The following TMPRSS9 variants were observed in gnomAD, a reference collection of about 807,000 sequenced individuals.
TMPRSS9 encodes transmembrane protease serine 9.
TMPRSS9 carries 113 observed loss-of-function variants against 111.4 expected under a neutral mutation model. That is an observed-to-expected ratio of 1.01 (90% CI 0.87 to 1.19). The LOEUF (loss-of-function observed/expected upper bound fraction) is 1.19. TMPRSS9 is among the 50% of genes most tolerant of loss of function. The pLI, the probability that TMPRSS9 is intolerant of heterozygous loss-of-function variation, is 0.00. For missense variants in TMPRSS9, 1,803 were observed against 1,513.1 expected, an observed-to-expected ratio of 1.19 and a Z score of -3.18; for synonymous variants, 805 against 659.1, an observed-to-expected ratio of 1.22 and a Z score of -3.39.
intron 2 of TMPRSS9, among the ~76,000 whole-genome samples, chr19:2,398,197 GAGGC>G (rs1970749461): frequency 6.6e-6 from 1 of 151,642 alleles, no homozygotes; most frequent in Non-Finnish European, 1.5e-5. Flanking sequence ...TTGGGAGGCT[GAGGC>G]AGGAGAATTG....
chr19:2,371,721 A>G (rs575876386), intron 1 of TMPRSS9, among the ~76,000 whole-genome samples: 2 of 144,364 alleles, frequency 1.4e-5, no homozygotes, highest in Admixed American at 1.4e-4. Flanking sequence ...AAGAAAAAAA[A>G]AAAACAAAAC....
chr19:2,376,464 T>C (rs1194413751), intron 1 of TMPRSS9, among the ~76,000 whole-genome samples: 6 of 151,890 alleles, frequency 4.0e-5, no homozygotes, highest in Admixed American at 2.6e-4. Flanking sequence ...GTCATTTCTT[T>C]TTTTTTTCTT....
At chr19:2,395,344 G>A (rs1426749676) in intron 1 of TMPRSS9, among the ~76,000 whole-genome samples, 2 of 152,172 alleles carry the variant, frequency 1.3e-5, no homozygotes, top group East Asian at 3.9e-4. Context: ...GAGGCAGGAG[G>A]ATCGCTTGAA....
intron 1 of TMPRSS9, among the ~76,000 whole-genome samples, chr19:2,370,657 A>G (rs1396006404): frequency 6.6e-6 from 1 of 152,280 alleles, no homozygotes; most frequent in Admixed American, 6.5e-5. Flanking sequence ...TGGACTTTGC[A>G]TTATAATGAG....
chr19:2,425,390 T>C (rs1971593816), exon 17 of TMPRSS9: 1 of 1,554,560 alleles, frequency 6.4e-7, no homozygotes, highest in Non-Finnish European at 8.6e-7. Flanking sequence ...AAGGCGGCCG[T>C]GCGCCTCCTC....
chr19:2,425,214 C>T (rs1156370368), exon 16 of TMPRSS9: 13 of 1,485,388 alleles, frequency 8.8e-6, no homozygotes, highest in Non-Finnish European at 1.1e-5. Context: ...GCGCCGCGAC[C>T]CCCGGACGGC....
intron 11 of TMPRSS9, 48 bp downstream of exon 12, chr19:2,415,889 C>G: frequency 6.6e-7 from 1 of 1,523,974 alleles, no homozygotes; most frequent in Non-Finnish European, 8.8e-7. Context: ...CCCTCCTCAC[C>G]AGCCCCTCCC....
rs1970766255 is a variant in TMPRSS9, at chr19:2,398,870, G to A, written c.338+8G>A. The A allele has an allele frequency of 6.6e-7, 1 of 1,526,440 alleles. No individual in the cohort carries two copies. Among genetic ancestry groups the A allele is most frequent in the Non-Finnish European group, 8.8e-7 (1 of 1,141,464 alleles). 94.6% of individuals were successfully genotyped at this position (1,526,440 alleles called of 1,614,324 possible). On this transcript the variant is annotated splice_region_variant and intron_variant, in intron 3 of 17. Coordinates refer to ENST00000648592, the Ensembl canonical transcript of TMPRSS9. Reference sequence around the variant, plus strand: ...CTCGGTACTGAATTATAGGTGAGTTGGAGCTTCCATTGGGTGAAGGAAACT... The same window carrying A: ...CTCGGTACTGAATTATAGGTGAGTTAGAGCTTCCATTGGGTGAAGGAAACT...
At chr19:2,387,054 C>A (rs746008196), upstream of TMPRSS9, among the ~76,000 whole-genome samples, 2 of 150,874 alleles carry the variant, frequency 1.3e-5, no homozygotes, top group Admixed American at 1.3e-4. Context: ...GATCCCCTCT[C>A]CACAAAAAAC....
intron 1 of TMPRSS9, among the ~76,000 whole-genome samples, chr19:2,390,231 G>GTTTTTTTTTTTTT: frequency 9.0e-6 from 1 of 110,570 alleles, no homozygotes; most frequent in Non-Finnish European, 1.9e-5. Flanking sequence ...ACCCAAAGTA[G>GTTTTTTTTTTTTT]TTTTTTTTTT....
exon 12 of TMPRSS9, chr19:2,416,774 T>C (rs375115360): frequency 6.2e-7 from 1 of 1,612,064 alleles, no homozygotes; most frequent in Non-Finnish European, 8.5e-7. Flanking sequence ...CGGAAGTGCA[T>C]GATCTCCGGA....
chr19:2,396,506 G>C lies in TMPRSS9; in HGVS notation c.143-33G>C, dbSNP rs751210179. The stretch of plus-strand genomic sequence containing the variant: ...AGCGGAGCCCTGAGCCCCCAAAGGT[G>C]GGCTCTCTCACGGGCCCTGGTCTCG... On this transcript the variant is annotated intron_variant, in intron 1 of 17. Transcript: ENST00000648592. 3.4e-5 allele frequency: 53 copies of C among 1,563,440 alleles called. 2 individuals carry two copies. In the South Asian group the frequency reaches 6.0e-4, roughly 18 times the overall value.
intron 13 of TMPRSS9, among the ~76,000 whole-genome samples, 159 bp downstream of exon 14, chr19:2,418,297 TTCCCTC>T (rs1971312294): frequency 1.9e-5 from 1 of 53,074 alleles, no homozygotes; most frequent in African/African-American, 1.4e-4. Flanking sequence ...CCTCCTTTCC[TTCCCTC>T]CCTTTCCCTC....
chr19:2,408,255 G>T, intron 7 of TMPRSS9, 101 bp from the exon 9 acceptor site: 2 of 1,141,754 alleles, frequency 1.8e-6, no homozygotes, highest in South Asian at 2.9e-5. Flanking sequence ...ATTAATGTGG[G>T]GGGATACCCC....
Position 2,405,552 on chromosome 19 carries a change from C to T in TMPRSS9, c.842+7C>T. The T allele has an allele frequency of 2.6e-6, 4 of 1,543,112 alleles. No individual in the cohort carries two copies. Among genetic ancestry groups the T allele is most frequent in the Non-Finnish European group, 3.5e-6 (4 of 1,147,146 alleles). ...CTGCTCACTGCTTCAATGAGTAAGC[C>T]CCCATCCCAAAGCACCAAACCCGAA... On this transcript the variant is annotated splice_region_variant and intron_variant, in intron 7 of 17. Transcript: ENST00000648592.
chr19:2,390,494 C>G (rs1461800949), intron 1 of TMPRSS9, among the ~76,000 whole-genome samples: 1 of 149,690 alleles, frequency 6.7e-6, no homozygotes, highest in Non-Finnish European at 1.5e-5. Context: ...CCGCCCGCCT[C>G]AGCCTCCCAA....
chr19:2,395,541 A>G (rs1970687686), intron 1 of TMPRSS9, among the ~76,000 whole-genome samples: 1 of 152,170 alleles, frequency 6.6e-6, no homozygotes, highest in Admixed American at 6.6e-5. Context: ...AGCCTGGCCA[A>G]CATGGAGAAA....
At chr19:2,391,557 TG>T (rs761417537) in intron 1 of TMPRSS9, among the ~76,000 whole-genome samples, 2 of 151,300 alleles carry the variant, frequency 1.3e-5, no homozygotes, top group African/African-American at 2.4e-5. Context: ...TGCATGCGTT[TG>T]TGCATGCATG....
intron 13 of TMPRSS9, among the ~76,000 whole-genome samples, chr19:2,420,704 T>C (rs1426243799): frequency 3.3e-5 from 5 of 152,304 alleles, no homozygotes; most frequent in African/African-American, 1.2e-4. Flanking sequence ...GATCCCCATA[T>C]GTAAAGTGGG....
Sources: allele counts gnomAD v4.1 joint callset (sites outside exome capture counted in the v4.1 genomes callset), GRCh38; gene constraint gnomAD v4.1.1; transcripts MANE v1.5; gene names NCBI Gene and HGNC (gene_info 2026-07-23, HGNC 2026-07-21).